Variants in DRD2 observed in about 807,000 individuals in gnomAD.
DRD2 encodes dopamine receptor D2, also known as D(2) dopamine receptor.
Under a neutral mutation model 38.0 loss-of-function variants are expected in DRD2, and 8 were observed. The observed-to-expected ratio is 0.21, with a 90% CI of 0.12 to 0.38. DRD2 has a LOEUF of 0.38. Ranked by LOEUF, DRD2 falls within the 10% of genes least tolerant of loss-of-function variation. The pLI is 1.00. For synonymous variants in DRD2, 230 were observed against 238.6 expected (o/e 0.96, Z 0.33); for missense variants, 403 against 607.7 (o/e 0.66, Z 3.54).
intron 5 of DRD2, 29 bp downstream of exon 5, chr11:113,415,392 T>C: frequency 1.3e-6 from 2 of 1,596,548 alleles, no homozygotes; most frequent in Non-Finnish European, 1.7e-6. Flanking sequence ...GTGGGGACCC[T>C]TGGAGTTGGT....
intron 1 of DRD2, among the ~76,000 whole-genome samples, chr11:113,453,311 C>A (rs762080763): frequency 2.0e-5 from 3 of 152,150 alleles, no homozygotes; most frequent in Non-Finnish European, 4.4e-5. Context: ...ACAGTATCTA[C>A]CCCATTGGGG....
intron 4 of DRD2, among the ~76,000 whole-genome samples, chr11:113,416,241 AC>A (rs1464275703): frequency 2.0e-5 from 3 of 152,230 alleles, no homozygotes; most frequent in African/African-American, 7.2e-5. Flanking sequence ...TTTTGTTGTT[AC>A]GATCTCCAGA....
intron 1 of DRD2, among the ~76,000 whole-genome samples, chr11:113,465,101 A>T (rs1591303845): frequency 6.8e-6 from 1 of 146,890 alleles, no homozygotes; most frequent in Non-Finnish European, 1.5e-5. Context: ...CCCACATAGC[A>T]GCCTCTGTGA....
At chr11:113,413,186 A>T (rs1281504861) in intron 6 of DRD2, 5 of 626,218 alleles carry the variant, frequency 8.0e-6, no homozygotes, top group Non-Finnish European at 1.5e-5. Context: ...TACTGTTAGC[A>T]AAGTGCCAGG....
chr11:113,463,877 G>A (rs1951344768), intron 1 of DRD2, among the ~76,000 whole-genome samples: 1 of 152,056 alleles, frequency 6.6e-6, no homozygotes, highest in African/African-American at 2.4e-5. Context: ...GAAAATTGGG[G>A]AAGCCTCCCT....
chr11:113,410,675 C>T lies in DRD2; in HGVS notation c.*52G>A, dbSNP rs6276. Reference sequence around the variant, plus strand: ...CACGGTTCGCAAGGGTGAGGCTGGCCGGCCTGGGCAGGGAGGTGGGAAGCA... The same window carrying T: ...CACGGTTCGCAAGGGTGAGGCTGGCTGGCCTGGGCAGGGAGGTGGGAAGCA... On this transcript the variant is annotated 3_prime_UTR_variant, in exon 8 of 8. Transcript: ENST00000362072. The T allele has an allele frequency of 0.66, 1,067,143 of 1,610,646 alleles. 364,670 individuals carry two copies. The highest frequency in any genetic ancestry group is 0.71 in the Non-Finnish European group (830,892 of 1,177,920).
At chr11:113,456,860 A>C (rs966159340) in intron 1 of DRD2, among the ~76,000 whole-genome samples, 1 of 152,230 alleles carries the variant, frequency 6.6e-6, no homozygotes, top group Non-Finnish European at 1.5e-5. Context: ...ATCAAACTGT[A>C]CACGTCAAAA....
intron 1 of DRD2, among the ~76,000 whole-genome samples, chr11:113,449,494 G>A (rs1319570717): frequency 6.6e-6 from 1 of 152,170 alleles, no homozygotes; most frequent in African/African-American, 2.4e-5. Flanking sequence ...AACTGTAGGC[G>A]TCCTTCCAAC....
chr11:113,441,948 CAAA>C (rs779962309), intron 1 of DRD2, among the ~76,000 whole-genome samples: 5 of 95,120 alleles, frequency 5.3e-5, no homozygotes, highest in Admixed American at 1.2e-4. Flanking sequence ...ACTCTGTCTC[CAAA>C]AAAAAAAAAA....
chr11:113,447,384 A>C (rs906865741), intron 1 of DRD2, among the ~76,000 whole-genome samples: 1 of 151,866 alleles, frequency 6.6e-6, no homozygotes, highest in Non-Finnish European at 1.5e-5. Flanking sequence ...CCCCTGTTAC[A>C]CAGAATGCTT....
At chr11:113,459,103 A>G (rs1193937324) in intron 1 of DRD2, among the ~76,000 whole-genome samples, 3 of 152,212 alleles carry the variant, frequency 2.0e-5, no homozygotes, top group South Asian at 4.1e-4. Context: ...TTTACTTTCT[A>G]TCTCTGAGTC....
chr11:113,458,645 TTG>T (rs1212486452), intron 1 of DRD2, among the ~76,000 whole-genome samples: 1 of 152,196 alleles, frequency 6.6e-6, no homozygotes, highest in Admixed American at 6.5e-5. Context: ...GCTTTGATTA[TTG>T]TGTGTGTGTG....
chr11:113,434,967 G>A (rs1163640507), intron 1 of DRD2, among the ~76,000 whole-genome samples: 1 of 152,204 alleles, frequency 6.6e-6, no homozygotes, highest in East Asian at 1.9e-4. Flanking sequence ...AGGAGCAGAG[G>A]AGACCACAGC....
At chr11:113,411,091 G>A (rs1432552985) in intron 7 of DRD2, among the ~76,000 whole-genome samples, 171 bp from the exon 8 acceptor site, 1 of 152,132 alleles carries the variant, frequency 6.6e-6, no homozygotes, top group Non-Finnish European at 1.5e-5. Context: ...ACACCCATTT[G>A]CAGTGAAGTA....
chr11:113,470,442 G>A (rs1951412969), intron 1 of DRD2, among the ~76,000 whole-genome samples: 1 of 152,138 alleles, frequency 6.6e-6, no homozygotes, highest in South Asian at 2.1e-4. Flanking sequence ...TGGAGCTCCT[G>A]GGAGCCAGGT....
intron 1 of DRD2, among the ~76,000 whole-genome samples, chr11:113,465,252 C>T (rs1185498183): frequency 6.6e-6 from 1 of 152,146 alleles, no homozygotes; most frequent in Non-Finnish European, 1.5e-5. Flanking sequence ...AGGTGTGAGC[C>T]ACCACATCCG....
intron 1 of DRD2, among the ~76,000 whole-genome samples, chr11:113,469,950 C>A (rs146374078): frequency 6.6e-6 from 1 of 152,150 alleles, no homozygotes; most frequent in Non-Finnish European, 1.5e-5. Flanking sequence ...AATGAAGAAC[C>A]TATGTCAAGT....
intron 1 of DRD2, among the ~76,000 whole-genome samples, chr11:113,468,330 C>G (rs1218926483): frequency 1.3e-5 from 2 of 152,094 alleles, no homozygotes; most frequent in African/African-American, 4.8e-5. Flanking sequence ...AAATAGGTGA[C>G]TAAATATTGA....
intron 1 of DRD2, among the ~76,000 whole-genome samples, chr11:113,427,547 T>C (rs1272417217): frequency 6.6e-6 from 1 of 152,220 alleles, no homozygotes; most frequent in African/African-American, 2.4e-5. Flanking sequence ...TATCTTGTTC[T>C]TTCCCAACTC....
Sources: allele counts gnomAD v4.1 joint callset (sites outside exome capture counted in the v4.1 genomes callset), GRCh38; gene constraint gnomAD v4.1.1; transcripts MANE v1.5; gene names NCBI Gene and HGNC (gene_info 2026-07-23, HGNC 2026-07-21).